Variants in RBFOX1 observed in about 807,000 individuals in gnomAD.
The protein encoded by RBFOX1 is RNA binding protein fox-1 homolog 1.
A neutral mutation model predicts 57.7 loss-of-function variants in RBFOX1; 8 were observed. That is an observed-to-expected ratio of 0.14 (90% CI 0.08 to 0.25). The LOEUF is 0.25. Among genes scored for constraint, RBFOX1 ranks in the 10% least tolerant of loss-of-function variants. The pLI is 1.00. For missense variants in RBFOX1, 611 were observed against 548.5 expected, an observed-to-expected ratio of 1.11 and a Z score of -1.14; for synonymous variants, 326 against 222.4, an observed-to-expected ratio of 1.47 and a Z score of -4.15.
chr16:6,759,321 T>C (rs1220853466), intron 3 of RBFOX1, among the ~76,000 whole-genome samples: 2 of 152,062 alleles, frequency 1.3e-5, no homozygotes, highest in Non-Finnish European at 2.9e-5. Flanking sequence ...TGGCTAATTT[T>C]TGTATTTTTA....
Position 5,973,243 on chromosome 16 carries a change from A to G in RBFOX1, c.351+105908A>G, listed in dbSNP as rs180863913. Reference sequence around the variant, plus strand: ...GAAAGAAGGAGGTATTGGAAAATATATGAACAGAGTCTAAGGTGTGATATA... The same window carrying G: ...GAAAGAAGGAGGTATTGGAAAATATGTGAACAGAGTCTAAGGTGTGATATA... On this transcript the variant is annotated intron_variant, in intron 4 of 19. Coordinates refer to the RBFOX1 transcript ENST00000641259. Among the ~76,000 whole-genome samples, 173 of 152,346 alleles carry G rather than the reference A, an allele frequency of 1.1e-3. 2 individuals are homozygous for G. Among genetic ancestry groups the G allele is most frequent in the African/African-American group, 4.0e-3 (166 of 41,594 alleles).
intron 1 of RBFOX1, among the ~76,000 whole-genome samples, chr16:6,143,193 T>C (rs559512008): frequency 1.1e-3 from 172 of 152,318 alleles, no homozygotes; most frequent in African/African-American, 3.5e-3. Flanking sequence ...AGGAATAACT[T>C]GTAAGAGAAA....
chr16:7,513,974 A>T (rs997301782), intron 4 of RBFOX1, among the ~76,000 whole-genome samples: 15 of 152,236 alleles, frequency 9.9e-5, no homozygotes, highest in African/African-American at 3.6e-4. Flanking sequence ...TTTGGAGAGT[A>T]TACAGGCCCT....
At chr16:7,515,818 C>T (rs999620859) in intron 4 of RBFOX1, among the ~76,000 whole-genome samples, 2 of 151,826 alleles carry the variant, frequency 1.3e-5, no homozygotes, top group South Asian at 2.1e-4. Context: ...TAGGGAGGTC[C>T]CCTTCAAGTG....
chr16:7,069,175 C>A (rs1349935412), intron 4 of RBFOX1, among the ~76,000 whole-genome samples: 3 of 152,104 alleles, frequency 2.0e-5, no homozygotes, highest in Non-Finnish European at 1.5e-5. Context: ...ATTTTTTAAT[C>A]CTTTAATTTA....
At chr16:7,285,174 T>G (rs2095625043) in intron 4 of RBFOX1, among the ~76,000 whole-genome samples, 1 of 151,076 alleles carries the variant, frequency 6.6e-6, no homozygotes, top group Admixed American at 6.6e-5. Flanking sequence ...TATAATTTGA[T>G]TTTTAATTGG....
intron 4 of RBFOX1, among the ~76,000 whole-genome samples, chr16:7,195,048 C>CA (rs139842386): frequency 0.4 from 61,302 of 151,568 alleles, 12,839 homozygotes; most frequent in Non-Finnish European, 0.47. Flanking sequence ...CTAATTCTAG[C>CA]AACAAAACTT....
At chr16:6,084,632 G>T (rs1017810480) in intron 1 of RBFOX1, among the ~76,000 whole-genome samples, 1 of 152,016 alleles carries the variant, frequency 6.6e-6, no homozygotes, top group Non-Finnish European at 1.5e-5. Context: ...AAAAAAAACA[G>T]TGACATGGTG....
At chr16:5,832,554 A>G (rs1364862199) in intron 3 of RBFOX1, among the ~76,000 whole-genome samples, 1 of 152,170 alleles carries the variant, frequency 6.6e-6, no homozygotes, top group Non-Finnish European at 1.5e-5. Flanking sequence ...CATGTAGAAT[A>G]TAACACATGT....
chr16:6,977,869 A>G (rs1236823855), intron 3 of RBFOX1, among the ~76,000 whole-genome samples: 2 of 149,500 alleles, frequency 1.3e-5, no homozygotes, highest in Non-Finnish European at 2.9e-5. Flanking sequence ...GTCTGAGAGA[A>G]ACACGTGAGC....
At chr16:5,528,022 A>C (rs752223115) in intron 2 of RBFOX1, among the ~76,000 whole-genome samples, 22 of 152,204 alleles carry the variant, frequency 1.4e-4, no homozygotes, top group Non-Finnish European at 2.5e-4. Context: ...CCTAGTCATT[A>C]TACATCACTA....
intron 3 of RBFOX1, among the ~76,000 whole-genome samples, chr16:6,755,839 C>A (rs377471582): frequency 6.6e-6 from 1 of 152,088 alleles, no homozygotes; most frequent in Non-Finnish European, 1.5e-5. Flanking sequence ...AATATGGATT[C>A]TTTCAGAGCT....
chr16:5,615,465 A>G (rs1364668893), intron 3 of RBFOX1, among the ~76,000 whole-genome samples: 1 of 152,224 alleles, frequency 6.6e-6, no homozygotes, highest in Non-Finnish European at 1.5e-5. Context: ...CGTTTATCTG[A>G]ACAGGCACCT....
intron 3 of RBFOX1, among the ~76,000 whole-genome samples, chr16:6,956,002 G>A (rs1257172026): frequency 6.6e-6 from 1 of 152,276 alleles, no homozygotes; most frequent in Non-Finnish European, 1.5e-5. Context: ...CACCAGACCC[G>A]GCCTCCATCA....
chr16:6,392,947 C>G (rs2152936360), intron 2 of RBFOX1, among the ~76,000 whole-genome samples: 1 of 152,308 alleles, frequency 6.6e-6, no homozygotes, highest in East Asian at 1.9e-4. Context: ...GAACAATGGA[C>G]TGAAGTCTTT....
At chr16:7,008,287 A>G (rs1247149185) in intron 3 of RBFOX1, among the ~76,000 whole-genome samples, 2 of 152,140 alleles carry the variant, frequency 1.3e-5, no homozygotes, top group Non-Finnish European at 1.5e-5. Flanking sequence ...TATACCTGTA[A>G]TCCCAGCACT....
At chr16:7,341,776 C>CTCCTTCCTTCCTTCCT (rs767808435) in intron 4 of RBFOX1, among the ~76,000 whole-genome samples, 237 of 95,178 alleles carry the variant, frequency 2.5e-3, no homozygotes, top group African/African-American at 7.1e-3. Context: ...CCCTCCCTCC[C>CTCCTTCCTTCCTTCCT]TCCTTCCTTC....
chr16:7,358,204 A>T (rs997746379), intron 4 of RBFOX1, among the ~76,000 whole-genome samples: 8 of 152,242 alleles, frequency 5.3e-5, no homozygotes, highest in Non-Finnish European at 2.9e-5. Context: ...GAGAGGGTTG[A>T]TAAACCTTTG....
In RBFOX1 at chr16:6,309,409, G is replaced by A. The variant is rs142328905; in HGVS notation, c.-126-7586G>A. Among the ~76,000 whole-genome samples the A allele has an allele frequency of 2.1e-3, 318 of 152,234 alleles. 1 individual carries two copies. Among genetic ancestry groups the A allele is most frequent in the African/African-American group, 7.4e-3 (306 of 41,538 alleles). ...ACAGACAGTGCAAATTAAAAGATCC[G>A]GCGCGGCCCAGGAACCAGGGACCCA... On this transcript the variant is annotated intron_variant, in intron 1 of 15. Coordinates refer to ENST00000550418, the MANE Select transcript of RBFOX1 (RefSeq NM_018723.4).
Sources: allele counts gnomAD v4.1 joint callset (sites outside exome capture counted in the v4.1 genomes callset), GRCh38; gene constraint gnomAD v4.1.1; transcripts MANE v1.5; gene names NCBI Gene and HGNC (gene_info 2026-07-23, HGNC 2026-07-21).